Variants in ELP6 observed in about 807,000 individuals in gnomAD.
ELP6 encodes elongator complex protein 6.
A neutral mutation model predicts 28.1 loss-of-function variants in ELP6; 23 were observed. That is an observed-to-expected ratio of 0.82 (90% CI 0.59 to 1.16). ELP6 has a LOEUF of 1.16. ELP6 is among the 50% of genes most tolerant of loss of function. The pLI is 0.00. For missense variants in ELP6, 313 were observed against 334.6 expected (o/e 0.94, Z 0.50); for synonymous variants, 132 against 135.8 (o/e 0.97, Z 0.19).
At chr3:47,499,635 G>A (rs1708582460) in intron 5 of ELP6, 1 of 537,966 alleles carries the variant, frequency 1.9e-6, no homozygotes, top group Non-Finnish European at 2.3e-6. Context: ...AGTGAGCCAA[G>A]GTCACTGAGG....
chr3:47,510,922 G>C (rs1455719250), intron 2 of ELP6, among the ~76,000 whole-genome samples: 1 of 152,142 alleles, frequency 6.6e-6, no homozygotes, highest in Non-Finnish European at 1.5e-5. Flanking sequence ...GTGGAGAAGG[G>C]GAAGGTAGGA....
chr3:47,495,822 T>A lies in ELP6; in HGVS notation c.*247A>T, dbSNP rs1375326262. On this transcript the variant is annotated 3_prime_UTR_variant, in exon 7 of 7. Transcript: ENST00000296149. The stretch of plus-strand genomic sequence containing the variant: ...TAAACAAAGGCTCCAAAGGACCCCT[T>A]TCACTTGGGTCTAGCATCCAGCCTC... 1 of 503,246 alleles carries A rather than the reference T, an allele frequency of 2.0e-6. No homozygotes were observed. Among genetic ancestry groups the A allele is most frequent in the African/African-American group, 2.0e-5 (1 of 49,606 alleles). The allele number at this position is 503,246 out of a possible 1,614,324, so 31.2% of individuals were successfully genotyped here.
intron 1 of ELP6, 66 bp downstream of exon 1, chr3:47,513,471 C>T (rs952286082): frequency 1.9e-5 from 30 of 1,580,942 alleles, no homozygotes; most frequent in Non-Finnish European, 2.6e-5. Flanking sequence ...TGCGCACCGC[C>T]TCCCGGATGC....
chr3:47,496,926 C>T (rs1370317037), intron 6 of ELP6: 7 of 985,312 alleles, frequency 7.1e-6, no homozygotes, highest in Non-Finnish European at 8.4e-6. Flanking sequence ...TTACTGCTGA[C>T]TACAATGCTC....
chr3:47,504,272 C>A, intron 4 of ELP6, 58 bp downstream of exon 4: 1 of 1,514,952 alleles, frequency 6.6e-7, no homozygotes, highest in East Asian at 2.4e-5. Context: ...CAACCAGGAA[C>A]CCTGCCTGGG....
At chr3:47,505,631 G>A (rs1437673673) in intron 3 of ELP6, among the ~76,000 whole-genome samples, 1 of 151,968 alleles carries the variant, frequency 6.6e-6, no homozygotes, top group East Asian at 1.9e-4. Context: ...GAGTGCAATG[G>A]TGCGATCTTG....
At chr3:47,513,046 G>C in intron 1 of ELP6, 1 of 975,260 alleles carries the variant, frequency 1.0e-6, no homozygotes, top group Non-Finnish European at 1.2e-6. Context: ...GCTGGAGTGC[G>C]GTGGCGAGAT....
chr3:47,496,624 T>A, intron 6 of ELP6: 1 of 635,552 alleles, frequency 1.6e-6, no homozygotes, highest in Non-Finnish European at 2.0e-6. Context: ...GCCTCCCAAG[T>A]AGCTGGATTA....
At chr3:47,496,289 G>T in intron 6 of ELP6, 92 bp from the exon 7 acceptor site, 2 of 1,492,604 alleles carry the variant, frequency 1.3e-6, no homozygotes, top group East Asian at 2.4e-5. Context: ...CCCTTCAGCT[G>T]AGGCCTCTAT....
In ELP6 at chr3:47,513,604, G is replaced by C; in HGVS notation, c.-14C>G. ...TTCCACGAACATTCCGAGCTCCTGG[G>C]ACTAGCGCTCTGGAGGAGAACCCGG... is the stretch of plus-strand genomic sequence containing the variant. On this transcript the variant is annotated 5_prime_UTR_variant, in exon 1 of 7. Transcript: ENST00000296149. 6.2e-7 allele frequency: 1 copy of C among 1,613,188 alleles called. No individual in the cohort carries two copies. The highest frequency in any genetic ancestry group is 8.5e-7 in the Non-Finnish European group (1 of 1,179,564).
chr3:47,512,934 C>T, intron 1 of ELP6: 4 of 985,860 alleles, frequency 4.1e-6, no homozygotes, highest in Non-Finnish European at 4.8e-6. Context: ...CACAGCGCGC[C>T]ACAGTTCACG....
intron 5 of ELP6, chr3:47,500,220 T>A: frequency 1.9e-6 from 2 of 1,073,368 alleles, no homozygotes; most frequent in Non-Finnish European, 1.1e-6. Flanking sequence ...TATTAATAAA[T>A]GAAAAAAAGA....
chr3:47,512,008 G>C, intron 1 of ELP6: 1 of 985,352 alleles, frequency 1.0e-6, no homozygotes, highest in Non-Finnish European at 1.2e-6. Context: ...GTCATTTCCT[G>C]GTGCCCACTT....
intron 3 of ELP6, among the ~76,000 whole-genome samples, chr3:47,507,662 C>A (rs1283616253): frequency 6.6e-6 from 1 of 150,918 alleles, no homozygotes; most frequent in Non-Finnish European, 1.5e-5. Flanking sequence ...AAAGAGGCAA[C>A]ATGTAACTCT....
In ELP6 at chr3:47,501,805, C is replaced by T. The variant is rs1420314581; in HGVS notation, c.370G>A (p.Glu124Lys). 2 of 1,614,024 alleles carry T rather than the reference C, an allele frequency of 1.2e-6. No homozygotes were observed. The highest frequency in any genetic ancestry group is 3.3e-5 in the Admixed American group (2 of 59,988). The change falls in exon 5 of 7, where the codon GAG becomes AAG. Residue 124 changes from glutamate (E) to lysine (K), a missense_variant. Coordinates refer to ENST00000296149, the MANE Select transcript of ELP6 (RefSeq NM_001031703.3). ...NLKPLFEFVR[E>K]ALKPVDSGEA... ...CCACTGTCTACTGGCTTCAGGGCCT[C>T]CCGTACAAACTCAAACAATGGTTTC...
rs60729053 is a variant in ELP6, at chr3:47,503,677, C to T, written c.323+653G>A. Among the ~76,000 whole-genome samples, 712 of 152,090 alleles carry T rather than the reference C, an allele frequency of 4.7e-3. 8 individuals carry two copies. Among genetic ancestry groups the T allele is most frequent in the African/African-American group, 0.017 (688 of 41,484 alleles). Reference sequence around the variant, plus strand: ...CAGCACTTTGGGAGGCCGAGGCGGGCGGATCACGAGGTCAGGAGATCGAGA... The same window carrying T: ...CAGCACTTTGGGAGGCCGAGGCGGGTGGATCACGAGGTCAGGAGATCGAGA... On this transcript the variant is annotated intron_variant, in intron 4 of 6. Coordinates refer to ENST00000296149, the MANE Select transcript of ELP6 (RefSeq NM_001031703.3).
chr3:47,506,908 C>A (rs530027972), intron 3 of ELP6, among the ~76,000 whole-genome samples: 1 of 152,172 alleles, frequency 6.6e-6, no homozygotes, highest in Admixed American at 6.5e-5. Flanking sequence ...TGGCTTCAGC[C>A]GGTCCCTCCG....
chr3:47,502,005 C>T (rs1422285005), intron 4 of ELP6, 154 bp from the exon 5 acceptor site: 1 of 239,726 alleles, frequency 4.2e-6, no homozygotes, highest in Non-Finnish European at 6.7e-6. Flanking sequence ...AAAGAAAAGG[C>T]ATGCACATGT....
chr3:47,500,317 A>C, intron 5 of ELP6: 1 of 867,160 alleles, frequency 1.2e-6, no homozygotes, highest in Non-Finnish European at 1.4e-6. Context: ...TGAGAGGCCG[A>C]GGCAGTAGAA....
Sources: gnomAD v4.1 joint callset for allele counts (sites outside exome capture counted in the v4.1 genomes callset) on GRCh38, gnomAD v4.1.1 for gene constraint, MANE v1.5 for transcripts, NCBI Gene and HGNC (gene_info 2026-07-23, HGNC 2026-07-21) for gene names.